CACNA1C: variants seen among roughly 807,000 people sequenced by gnomAD.
CACNA1C encodes voltage-dependent L-type calcium channel subunit alpha-1C.
CACNA1C carries 30 observed loss-of-function variants against 229.0 expected under a neutral mutation model. That is an observed-to-expected ratio of 0.13 (90% CI 0.10 to 0.18). The LOEUF is 0.18. Among genes scored for constraint, CACNA1C ranks in the 10% least tolerant of loss-of-function variants. The pLI is 1.00. For synonymous variants in CACNA1C, 1,114 were observed against 1,132.5 expected, an observed-to-expected ratio of 0.98 and a Z score of 0.33; for missense variants, 1,658 against 2,845.0, an observed-to-expected ratio of 0.58 and a Z score of 9.49.
At chr12:2,399,109 C>T (rs988917947) in intron 3 of CACNA1C, among the ~76,000 whole-genome samples, 1 of 152,114 alleles carries the variant, frequency 6.6e-6, no homozygotes, top group Non-Finnish European at 1.5e-5. Context: ...GGAAGGGGAG[C>T]ATGCAGGTGA....
At chr12:2,372,898 G>A (rs542089811) in intron 3 of CACNA1C, among the ~76,000 whole-genome samples, 1 of 152,348 alleles carries the variant, frequency 6.6e-6, no homozygotes, top group African/African-American at 2.4e-5. Context: ...GTTAGCAATG[G>A]TAGCAGATGG....
At chr12:2,123,792 A>G (rs77526565) in intron 3 of CACNA1C, among the ~76,000 whole-genome samples, 5 of 152,266 alleles carry the variant, frequency 3.3e-5, no homozygotes, top group East Asian at 3.9e-4. Flanking sequence ...CTTTCTTTCT[A>G]TTCTCAAAGT....
intron 11 of CACNA1C, among the ~76,000 whole-genome samples, chr12:2,557,970 G>A (rs888109413): frequency 2.6e-5 from 4 of 152,238 alleles, no homozygotes; most frequent in Non-Finnish European, 5.9e-5. Flanking sequence ...AAGCTTGTAT[G>A]TGCCAAAAAA....
chr12:2,580,801 G>A (rs1002550774), intron 13 of CACNA1C, among the ~76,000 whole-genome samples: 7 of 152,210 alleles, frequency 4.6e-5, no homozygotes, highest in African/African-American at 1.7e-4. Context: ...CAGAGGACTC[G>A]TGCTTTGAGC....
rs567984795 is a variant in CACNA1C, at chr12:2,605,322, C to T, written c.3048+154C>T. Among the ~76,000 whole-genome samples, 49 of 152,268 alleles carry T rather than the reference C, an allele frequency of 3.2e-4. No individual in the cohort carries two copies. In the South Asian group the frequency reaches 7.7e-3, roughly 24 times the overall value. On this transcript the variant is annotated intron_variant, in intron 23 of 46. Coordinates refer to ENST00000399655, the MANE Select transcript of CACNA1C (RefSeq NM_000719.7). The surrounding 1 kb of genome is among the most constrained non-coding windows in gnomAD (Gnocchi z 6.2). Reference sequence around the variant, plus strand: ...CTGGTCCCACTGCATGTCCCGGTTCCGTAATGAACAGAATAGTAACAGAGG... The same window carrying T: ...CTGGTCCCACTGCATGTCCCGGTTCTGTAATGAACAGAATAGTAACAGAGG...
At position 2,319,271 on chromosome 12, in the gene CACNA1C, G is replaced by A. The variant is rs1183853909; in HGVS notation, c.478-129705G>A. 6.6e-6 allele frequency among the ~76,000 whole-genome samples: 1 copy of A among 152,016 alleles called. No homozygotes were observed. The highest frequency in any genetic ancestry group is 1.5e-5 in the Non-Finnish European group (1 of 67,966). ...TAGTGTACATGGGGGCGGCGTGCAT[G>A]GTGGGTGGCCTGTGGGGGCAGCGTG... is the stretch of plus-strand genomic sequence containing the variant. On this transcript the variant is annotated intron_variant, in intron 3 of 46. Transcript: ENST00000399655. This position sits in a 1 kb window ranked among gnomAD's most constrained non-coding sequence, Gnocchi z 4.0.
intron 4 of CACNA1C, among the ~76,000 whole-genome samples, chr12:2,453,756 G>GGAT (rs2154564096): frequency 6.6e-6 from 1 of 152,224 alleles, no homozygotes; most frequent in Admixed American, 6.5e-5. Flanking sequence ...TGTAAGGGCC[G>GGAT]GATGCTGGTT....
chr12:2,347,303 CT>C (rs1487564194), intron 3 of CACNA1C, among the ~76,000 whole-genome samples: 1 of 152,230 alleles, frequency 6.6e-6, no homozygotes, highest in Non-Finnish European at 1.5e-5. Context: ...CCATGGTTGC[CT>C]GTCTTCCCGA....
At chr12:2,060,848 GA>G (rs2057214823) in intron 1 of CACNA1C, among the ~76,000 whole-genome samples, 1 of 152,214 alleles carries the variant, frequency 6.6e-6, no homozygotes, top group Admixed American at 6.5e-5. Context: ...GACAGTGAAT[GA>G]ATGTTCTTCT....
intron 5 of CACNA1C, among the ~76,000 whole-genome samples, chr12:2,464,993 C>T (rs1007120717): frequency 2.0e-5 from 3 of 152,218 alleles, no homozygotes; most frequent in Non-Finnish European, 2.9e-5. Context: ...CTTACTGACT[C>T]TGTACCCTTA....
chr12:2,621,658 G>C (rs1380034217), intron 29 of CACNA1C, among the ~76,000 whole-genome samples: 1 of 152,214 alleles, frequency 6.6e-6, no homozygotes, highest in Non-Finnish European at 1.5e-5. Flanking sequence ...GGTGGCAGTG[G>C]AAGAGATGGA....
chr12:2,042,619 ATG>A (rs1327641488), intron 1 of CACNA1C, among the ~76,000 whole-genome samples: 3 of 152,136 alleles, frequency 2.0e-5, no homozygotes, highest in African/African-American at 7.2e-5. Context: ...CCACAGGGAT[ATG>A]GACCTGGAAG....
chr12:2,552,685 G>A (rs1232924649), intron 10 of CACNA1C, among the ~76,000 whole-genome samples: 1 of 152,186 alleles, frequency 6.6e-6, no homozygotes, highest in Non-Finnish European at 1.5e-5. Context: ...GGCTGCAGAG[G>A]GAAAGAAGGG....
intron 29 of CACNA1C, among the ~76,000 whole-genome samples, chr12:2,627,627 T>G (rs1306399328): frequency 1.3e-5 from 2 of 152,176 alleles, no homozygotes; most frequent in Non-Finnish European, 2.9e-5. Flanking sequence ...GCAGGACCTC[T>G]GCTCTCTTGC....
chr12:2,604,290 G>T (rs1362115734), intron 22 of CACNA1C, among the ~76,000 whole-genome samples: 1 of 152,154 alleles, frequency 6.6e-6, no homozygotes, highest in Non-Finnish European at 1.5e-5. Flanking sequence ...GCAAGAGAAG[G>T]TCAGAGAAAA....
intron 3 of CACNA1C, among the ~76,000 whole-genome samples, chr12:2,418,206 G>C (rs1028441986): frequency 1.3e-5 from 2 of 152,112 alleles, no homozygotes; most frequent in Non-Finnish European, 2.9e-5. Flanking sequence ...GGCTGCGGGT[G>C]GCCTTTGATT....
chr12:2,605,681 T>C lies in CACNA1C; in HGVS notation c.3051T>C (p.His1017=). The C allele has an allele frequency of 1.9e-6, 3 of 1,609,714 alleles. No homozygotes were observed. The highest frequency in any genetic ancestry group is 2.7e-5 in the African/African-American group (2 of 74,950). The stretch of plus-strand genomic sequence containing the variant: ...CTCCCCGTCCCTTCCCACTGCAGCA[T>C]GTGGTTCAGTGTGTGTTTGTCGCCA... ...RAINRAKGLK[H]VVQCVFVAIR... The change falls in exon 24 of 47, where the codon CAT becomes CAC. Residue 1017 remains histidine (H), a splice_region_variant and synonymous_variant. Transcript: ENST00000399655. This position sits in a 1 kb window ranked among gnomAD's most constrained non-coding sequence, Gnocchi z 6.2.
chr12:2,165,933 G>A (rs1038451417), intron 3 of CACNA1C, among the ~76,000 whole-genome samples: 11 of 152,312 alleles, frequency 7.2e-5, no homozygotes, highest in Admixed American at 2.0e-4. Context: ...AAACCAGAAA[G>A]CCAAACTTTA....
At chr12:2,233,498 ACTCAT>A (rs1269229483) in intron 3 of CACNA1C, among the ~76,000 whole-genome samples, 3 of 152,026 alleles carry the variant, frequency 2.0e-5, no homozygotes, top group Non-Finnish European at 4.4e-5. Flanking sequence ...TATTATCAGA[ACTCAT>A]CTCAGATTGT....
Sources: gnomAD v4.1 joint callset for allele counts (sites outside exome capture counted in the v4.1 genomes callset) on GRCh38, gnomAD v4.1.1 for gene constraint, Gnocchi (gnomAD v3.1) non-coding constraint, MANE v1.5 for transcripts, NCBI Gene and HGNC (gene_info 2026-07-23, HGNC 2026-07-21) for gene names.